Variants in C12orf56 observed in about 807,000 individuals in gnomAD.
C12orf56 encodes the protein chromosome 12 open reading frame 56.
A neutral mutation model predicts 69.9 loss-of-function variants in C12orf56; 71 were observed. That is an observed-to-expected ratio of 1.02 (90% CI 0.84 to 1.24). C12orf56 has a LOEUF of 1.24. Among genes scored for constraint, C12orf56 ranks in the 50% most tolerant of loss-of-function variants. The pLI is 0.00. For synonymous variants in C12orf56, 276 were observed against 274.1 expected (o/e 1.01, Z -0.07); for missense variants, 732 against 738.5 (o/e 0.99, Z 0.10).
chr12:64,365,718 A>G (rs994543511), intron 1 of C12orf56, among the ~76,000 whole-genome samples: 1 of 144,446 alleles, frequency 6.9e-6, no homozygotes, highest in Non-Finnish European at 1.5e-5. Context: ...TATAGTTTAT[A>G]TAATATATAA....
At chr12:64,387,342 A>G (rs566292157) in intron 1 of C12orf56, among the ~76,000 whole-genome samples, 64 of 152,308 alleles carry the variant, frequency 4.2e-4, no homozygotes, top group African/African-American at 1.4e-3. Context: ...GCTACCAACA[A>G]TGTTGAAAAC....
At chr12:64,283,156 AAAAG>A (rs1398652930) in intron 8 of C12orf56, among the ~76,000 whole-genome samples, 2 of 151,764 alleles carry the variant, frequency 1.3e-5, no homozygotes, top group African/African-American at 4.8e-5. Flanking sequence ...AAAAAAAGAA[AAAAG>A]AAAGAAAGAA....
At chr12:64,364,051 G>A (rs1201828198) in intron 1 of C12orf56, among the ~76,000 whole-genome samples, 6 of 150,372 alleles carry the variant, frequency 4.0e-5, no homozygotes, top group African/African-American at 7.3e-5. Flanking sequence ...GGTGGCTCAC[G>A]CCTGTAATCC....
intron 2 of C12orf56, among the ~76,000 whole-genome samples, chr12:64,349,538 A>G (rs1405895771): frequency 1.3e-5 from 2 of 152,258 alleles, no homozygotes; most frequent in Admixed American, 1.3e-4. Context: ...AAAAGTCTTT[A>G]TATGAAAAAG....
At chr12:64,390,206 G>T in intron 1 of C12orf56, 108 bp downstream of exon 1, 1 of 1,379,888 alleles carries the variant, frequency 7.2e-7, no homozygotes, top group Non-Finnish European at 9.6e-7. Flanking sequence ...GAGGGGAGTC[G>T]AGGGCAGGAT....
chr12:64,287,499 T>A (rs1294575885), intron 6 of C12orf56, among the ~76,000 whole-genome samples: 1 of 61,954 alleles, frequency 1.6e-5, no homozygotes, highest in African/African-American at 7.6e-5. Context: ...CCCTCCCCCC[T>A]CCCCCCACCC....
In C12orf56 at chr12:64,274,000, T is replaced by A. The variant is rs567058169; in HGVS notation, c.1584+901A>T. Among the ~76,000 whole-genome samples, 15 of 152,196 alleles carry A rather than the reference T, an allele frequency of 9.9e-5. No homozygotes were observed. The South Asian group carries it at 1.7e-3, about 17-fold the overall frequency. On this transcript the variant is annotated intron_variant, in intron 11 of 12. Transcript: ENST00000543942. ...AATAATAACACAAACAAATGCAAAC[T>A]GCAACAGTGACGAGGCCTATAAAGC...
At chr12:64,385,053 CAAAA>C (rs749200010) in intron 1 of C12orf56, among the ~76,000 whole-genome samples, 13 of 66,438 alleles carry the variant, frequency 2.0e-4, no homozygotes, top group Admixed American at 7.1e-4. Context: ...GACTCCTGCT[CAAAA>C]AAAAAAAAAA....
intron 1 of C12orf56, chr12:64,389,346 C>CCTCCTTCCT (rs2039836653): frequency 6.6e-6 from 1 of 152,438 alleles, no homozygotes; most frequent in South Asian, 2.1e-4. Flanking sequence ...CTTTCAAGCC[C>CCTCCTTCCT]AGCTCCTAGC....
At chr12:64,277,223 G>A (rs1436236797) in intron 9 of C12orf56, among the ~76,000 whole-genome samples, 1 of 151,972 alleles carries the variant, frequency 6.6e-6, no homozygotes, top group Non-Finnish European at 1.5e-5. Flanking sequence ...AGAAAAACAA[G>A]TAACTCTTGC....
chr12:64,308,947 G>GAAAGAAAGAAAGAAAGAAAGAAA (rs2038565807), intron 5 of C12orf56, among the ~76,000 whole-genome samples: 4 of 67,680 alleles, frequency 5.9e-5, no homozygotes, highest in Non-Finnish European at 1.2e-4. Context: ...AAAGAAGAAA[G>GAAAGAAAGAAAGAAAGAAAGAAA]AAAGAAAGAA....
chr12:64,325,563 G>A (rs924953599), intron 3 of C12orf56, among the ~76,000 whole-genome samples: 5 of 152,180 alleles, frequency 3.3e-5, no homozygotes, highest in Admixed American at 1.3e-4. Flanking sequence ...AGGCAGAATA[G>A]TACACATACA....
rs2039269996 is a variant in C12orf56, at chr12:64,353,978, G to A, written c.253-922C>T. 2.6e-5 allele frequency among the ~76,000 whole-genome samples: 4 copies of A among 152,156 alleles called. No individual in the cohort carries two copies. In the South Asian group the frequency reaches 8.3e-4, roughly 31 times the overall value. On this transcript the variant is annotated intron_variant, in intron 1 of 12. Transcript: ENST00000543942. Reference sequence around the variant, plus strand: ...TTATAGGCGTGAGCCACCGTGCCTGGTCCACTTCCATTTTAAAAATAATTT... The same window carrying A: ...TTATAGGCGTGAGCCACCGTGCCTGATCCACTTCCATTTTAAAAATAATTT...
intron 1 of C12orf56, among the ~76,000 whole-genome samples, chr12:64,367,464 T>C (rs2039512963): frequency 6.6e-6 from 1 of 150,418 alleles, no homozygotes; most frequent in Non-Finnish European, 1.5e-5. Flanking sequence ...TACAACAAAG[T>C]AGATTTTTCT....
rs2038719751 is a variant in C12orf56 at position 64,318,564 on chromosome 12, A to G, written c.894+11T>C. 6.6e-7 allele frequency: 1 copy of G among 1,509,848 alleles called. No homozygotes were observed. The highest frequency in any genetic ancestry group is 2.5e-5 in the East Asian group (1 of 40,582). 93.5% of individuals were successfully genotyped at this position (1,509,848 alleles called of 1,614,324 possible). ...AAATTCAGGTTAAGGTTAACTTAGGAGGACACTTACTATAATATAATTGTT... is the reference window on the plus strand; with the variant it reads ...AAATTCAGGTTAAGGTTAACTTAGGGGGACACTTACTATAATATAATTGTT... On this transcript the variant is annotated intron_variant, in intron 4 of 12. Coordinates refer to ENST00000543942, the MANE Select transcript of C12orf56 (RefSeq NM_001170633.2).
In C12orf56 at chr12:64,274,924, A is replaced by G; in HGVS notation, c.1561T>C (p.Phe521Leu). 1 of 1,612,484 alleles carries G rather than the reference A, an allele frequency of 6.2e-7. No homozygotes were observed. Among genetic ancestry groups the G allele is most frequent in the Non-Finnish European group, 8.5e-7 (1 of 1,178,702 alleles). Residue 521 changes from phenylalanine to leucine, a missense_variant, in exon 11 of 13, where the codon TTT becomes CTT. Physicochemically the swap from Phe to Leu is conservative, Grantham distance 22. Transcript: ENST00000543942. ...ACGATGGGAGGACAGCTTTGTAGAA[A>G]GGACATTATCCAGCTAATAGCAAAC... ...TKFAISWIMS[F>L]LQSCPPIITF...
At position 64,300,054 on chromosome 12, in the gene C12orf56, G is replaced by C. The variant is rs376434373; in HGVS notation, c.1113+3581C>G. Among the ~76,000 whole-genome samples, 16 of 152,208 alleles carry C rather than the reference G, an allele frequency of 1.1e-4. 1 individual carries two copies. The highest frequency in any genetic ancestry group is 3.4e-4 in the African/African-American group (14 of 41,542). On this transcript the variant is annotated intron_variant, in intron 6 of 12. Transcript: ENST00000543942. ...TCTATGGCATGGAATTGACAGAGAAGATCAAAAGGAGGAAGGTACTAAAGT... is the reference window on the plus strand; with the variant it reads ...TCTATGGCATGGAATTGACAGAGAACATCAAAAGGAGGAAGGTACTAAAGT...
At chr12:64,323,806 C>A (rs760810575) in intron 3 of C12orf56, among the ~76,000 whole-genome samples, 1 of 152,132 alleles carries the variant, frequency 6.6e-6, no homozygotes, top group Non-Finnish European at 1.5e-5. Flanking sequence ...CCATCATGCC[C>A]AGCTGCAAAC....
At chr12:64,298,733 G>T (rs1253347639) in intron 6 of C12orf56, among the ~76,000 whole-genome samples, 1 of 152,092 alleles carries the variant, frequency 6.6e-6, no homozygotes, top group Non-Finnish European at 1.5e-5. Context: ...CTGTTCCATT[G>T]GTCTATATGT....
Sources: allele counts gnomAD v4.1 joint callset (sites outside exome capture counted in the v4.1 genomes callset), GRCh38; gene constraint gnomAD v4.1.1; transcripts MANE v1.5; gene names NCBI Gene and HGNC (gene_info 2026-07-23, HGNC 2026-07-21).